ABCA13: variants seen among roughly 807,000 people sequenced by gnomAD.
The protein encoded by ABCA13 is ATP binding cassette subfamily A member 13, also known as ATP-binding cassette sub-family A member 13.
A neutral mutation model predicts 478.7 loss-of-function variants in ABCA13; 476 were observed. That is an observed-to-expected ratio of 0.99 (90% CI 0.92 to 1.07). ABCA13 has a LOEUF of 1.07. ABCA13 is among the 50% of genes least tolerant of loss of function. The pLI is 0.00. For missense variants in ABCA13, 6,060 were observed against 5,910.6 expected, an observed-to-expected ratio of 1.03 and a Z score of -0.83; for synonymous variants, 2,252 against 2,158.9, an observed-to-expected ratio of 1.04 and a Z score of -1.20.
chr7:48,593,770 C>A (rs1484119657), intron 57 of ABCA13, among the ~76,000 whole-genome samples: 1 of 150,052 alleles, frequency 6.7e-6, no homozygotes, highest in African/African-American at 2.5e-5. Context: ...TGAACTCTTT[C>A]AGCTTTTGTT....
intron 8 of ABCA13, among the ~76,000 whole-genome samples, chr7:48,237,131 G>A (rs1248956765): frequency 6.6e-6 from 1 of 150,442 alleles, no homozygotes; most frequent in Non-Finnish European, 1.5e-5. Flanking sequence ...TCTGAAAAAC[G>A]TCTCAAGAGA....
intron 35 of ABCA13, among the ~76,000 whole-genome samples, chr7:48,377,286 G>A (rs889196421): frequency 1.3e-5 from 2 of 151,746 alleles, no homozygotes; most frequent in African/African-American, 4.8e-5. Flanking sequence ...TTTGGTTCAG[G>A]CCCGAAAGAG....
chr7:48,582,357 T>C (rs1788784491), intron 56 of ABCA13, among the ~76,000 whole-genome samples: 1 of 152,176 alleles, frequency 6.6e-6, no homozygotes, highest in African/African-American at 2.4e-5. Flanking sequence ...AAGTGGAAAC[T>C]GTGTGGGGTT....
At chr7:48,523,380 A>C (rs1358770995) in intron 53 of ABCA13, among the ~76,000 whole-genome samples, 1 of 151,970 alleles carries the variant, frequency 6.6e-6, no homozygotes, top group Non-Finnish European at 1.5e-5. Flanking sequence ...TACCTTTTTT[A>C]TTTTGAAATA....
At chr7:48,316,728 T>G (rs1802643078) in intron 26 of ABCA13, among the ~76,000 whole-genome samples, 1 of 152,200 alleles carries the variant, frequency 6.6e-6, no homozygotes, top group Non-Finnish European at 1.5e-5. Flanking sequence ...TTTCCACTCA[T>G]GGCAGAAATT....
At chr7:48,561,567 A>T (rs1918586) in intron 55 of ABCA13, among the ~76,000 whole-genome samples, 21,093 of 152,054 alleles carry the variant, frequency 0.14, 1,836 homozygotes, top group African/African-American at 0.23. Flanking sequence ...CTTGCCCATT[A>T]CTTAATTAGA....
chr7:48,571,484 C>CTT lies in ABCA13; in HGVS notation c.14355-8730_14355-8729dup, dbSNP rs71552486. The stretch of plus-strand genomic sequence containing the variant: ...TCTTTACTGTAGAATTCTAGGCTAG[C>CTT]TTTTTTTTTTTCTTTTAACCTTTTG... On this transcript the variant is annotated intron_variant, in intron 55 of 61. Transcript: ENST00000435803. Among the ~76,000 whole-genome samples, 634 of 146,730 alleles carry CTT rather than the reference C, an allele frequency of 4.3e-3. 1 individual carries two copies. The highest frequency in any genetic ancestry group is 0.015 in the African/African-American group (612 of 40,204).
At chr7:48,503,265 T>A (rs572661500) in intron 48 of ABCA13, among the ~76,000 whole-genome samples, 42 of 152,266 alleles carry the variant, frequency 2.8e-4, no homozygotes, top group Non-Finnish European at 5.3e-4. Context: ...TAAAACAATT[T>A]GTTTGGTAGA....
chr7:48,358,889 A>G (rs1226773266), intron 31 of ABCA13, among the ~76,000 whole-genome samples: 1 of 152,000 alleles, frequency 6.6e-6, no homozygotes, highest in African/African-American at 2.4e-5. Flanking sequence ...CTTTAGACAT[A>G]TTGGATCTTG....
chr7:48,388,973 A>T (rs537758101), intron 36 of ABCA13, 67 bp from the exon 37 acceptor site: 2 of 1,520,936 alleles, frequency 1.3e-6, no homozygotes, highest in Non-Finnish European at 1.8e-6. Context: ...TGCTGAATTA[A>T]TAAATATGAG....
chr7:48,462,171 G>T (rs4917145), intron 43 of ABCA13, among the ~76,000 whole-genome samples: 28,535 of 152,036 alleles, frequency 0.19, 3,101 homozygotes, highest in African/African-American at 0.29. Context: ...TGAAAAGTAA[G>T]GCAGGAAGTC....
At chr7:48,645,396 C>A (rs1795380750) in intron 61 of ABCA13, 21 bp from the exon 62 acceptor site, 2 of 1,536,980 alleles carry the variant, frequency 1.3e-6, no homozygotes, top group East Asian at 4.9e-5. Context: ...AAGTAAACAA[C>A]ATTTTTATGG....
chr7:48,480,158 A>G (rs1207017033), intron 45 of ABCA13, among the ~76,000 whole-genome samples: 3 of 152,224 alleles, frequency 2.0e-5, no homozygotes, highest in African/African-American at 7.2e-5. Context: ...CGTCTTATCC[A>G]TCATGATTGC....
At chr7:48,213,758 C>G (rs1396481492) in intron 3 of ABCA13, among the ~76,000 whole-genome samples, 5 of 152,296 alleles carry the variant, frequency 3.3e-5, no homozygotes, top group East Asian at 3.9e-4. Context: ...TATTCTAAAT[C>G]CTTTGTTATC....
intron 45 of ABCA13, among the ~76,000 whole-genome samples, chr7:48,473,492 C>T (rs1827743934): frequency 6.6e-6 from 1 of 152,172 alleles, no homozygotes; most frequent in Non-Finnish European, 1.5e-5. Flanking sequence ...ATAAATGCCG[C>T]TGAGGACCTT....
chr7:48,645,569 C>A lies in ABCA13; in HGVS notation c.*57C>A. On this transcript the variant is annotated 3_prime_UTR_variant, in exon 62 of 62. Coordinates refer to ENST00000435803, the MANE Select transcript of ABCA13 (RefSeq NM_152701.5). ...CTTGTCTTCCATTACAATTAACAGT[C>A]AAGGATAAAACAAGCACGCGCACAA... The A allele has an allele frequency of 2.1e-6, 3 of 1,430,800 alleles. No individual in the cohort carries two copies. Among genetic ancestry groups the A allele is most frequent in the South Asian group, 1.3e-5 (1 of 79,334 alleles). 88.6% of individuals were successfully genotyped at this position (1,430,800 alleles called of 1,614,324 possible). A position where few individuals can be genotyped will look rare whatever the true frequency, so the allele number is the denominator to read the frequency against.
chr7:48,384,272 G>T (rs2129047442), intron 35 of ABCA13, among the ~76,000 whole-genome samples: 1 of 152,300 alleles, frequency 6.6e-6, no homozygotes. Flanking sequence ...CACACTCATT[G>T]TTCACGTATG....
At chr7:48,367,701 C>T in intron 31 of ABCA13, 93 bp from the exon 32 acceptor site, 1 of 974,554 alleles carries the variant, frequency 1.0e-6, no homozygotes. Context: ...GATATCACTC[C>T]TGAAAGAGCT....
At position 48,441,714 on chromosome 7, in the gene ABCA13, T is replaced by C. The variant is rs535198635; in HGVS notation, c.12566-13323T>C. ...ACTATGATAGGCACTTTACATGATT[T>C]GGATTTTCTCACTTCATCATTACAA... On this transcript the variant is annotated intron_variant, in intron 42 of 61. Coordinates refer to ENST00000435803, the MANE Select transcript of ABCA13 (RefSeq NM_152701.5). 1.1e-4 allele frequency among the ~76,000 whole-genome samples: 17 copies of C among 152,276 alleles called. No homozygotes were observed. The East Asian group carries it at 3.3e-3, about 29-fold the overall frequency.
Sources: allele counts gnomAD v4.1 joint callset (sites outside exome capture counted in the v4.1 genomes callset), GRCh38; gene constraint gnomAD v4.1.1; transcripts MANE v1.5; gene names NCBI Gene and HGNC (gene_info 2026-07-23, HGNC 2026-07-21).